Variants in NCOR1 observed in about 807,000 individuals in gnomAD.
NCOR1 encodes the protein protein phosphatase 1, regulatory subunit 109.
NCOR1 carries 63 observed loss-of-function variants against 288.1 expected under a neutral mutation model. The observed-to-expected ratio is 0.22, with a 90% CI of 0.18 to 0.27. The LOEUF is 0.27. Among genes scored for constraint, NCOR1 ranks in the 10% least tolerant of loss-of-function variants. The pLI is 1.00. For synonymous variants in NCOR1, 1,007 were observed against 1,065.9 expected (o/e 0.94, Z 1.08); for missense variants, 2,397 against 3,019.2 (o/e 0.79, Z 4.83).
At chr17:16,137,888 A>G (rs151162515) in intron 13 of NCOR1, 252 of 361,048 alleles carry the variant, frequency 7.0e-4, no homozygotes, top group African/African-American at 4.6e-3. Flanking sequence ...TGATATTTTA[A>G]TTAGAAATTT....
chr17:16,171,154 A>G (rs1455404611), intron 4 of NCOR1, among the ~76,000 whole-genome samples: 1 of 152,204 alleles, frequency 6.6e-6, no homozygotes, highest in Non-Finnish European at 1.5e-5. Flanking sequence ...TTCCCAATGT[A>G]TACATACATC....
intron 3 of NCOR1, among the ~76,000 whole-genome samples, chr17:16,181,692 A>G (rs921883449): frequency 3.3e-5 from 5 of 152,192 alleles, no homozygotes; most frequent in Non-Finnish European, 7.4e-5. Context: ...AACCTCAAAT[A>G]TACATAATAA....
At position 16,127,574 on chromosome 17, in the gene NCOR1, T is replaced by C. The variant is rs146058121; in HGVS notation, c.1510-1368A>G. 4.1e-3 allele frequency among the ~76,000 whole-genome samples: 562 copies of C among 137,970 alleles called. 12 individuals are homozygous for C. Among genetic ancestry groups the C allele is most frequent in the East Asian group, 0.023 (105 of 4,652 alleles). 90.5% of individuals were successfully genotyped at this position (137,970 alleles called of 152,430 possible). A position where few individuals can be genotyped will look rare whatever the true frequency, so the allele number is the denominator to read the frequency against. ...ACACATGTGTATATATGTATGTATA[T>C]ATACATATGTGTATATATGTATGTA... On this transcript the variant is annotated intron_variant, in intron 14 of 45. Transcript: ENST00000268712.
At chr17:16,094,064 AT>A (rs899845651) in intron 21 of NCOR1, among the ~76,000 whole-genome samples, 1 of 150,576 alleles carries the variant, frequency 6.6e-6, no homozygotes, top group Non-Finnish European at 1.5e-5. Flanking sequence ...TGCGGAGCTA[AT>A]TTTTTTTTGT....
chr17:16,185,986 G>A (rs893650497), intron 3 of NCOR1, among the ~76,000 whole-genome samples: 4 of 151,924 alleles, frequency 2.6e-5, no homozygotes, highest in Non-Finnish European at 5.9e-5. Flanking sequence ...TGAGAATGAA[G>A]TAAAAGAAAG....
intron 18 of NCOR1, among the ~76,000 whole-genome samples, chr17:16,110,956 A>G (rs1230990143): frequency 6.6e-6 from 1 of 152,232 alleles, no homozygotes; most frequent in African/African-American, 2.4e-5. Flanking sequence ...TTCAAGGATA[A>G]TAACTACTTT....
intron 21 of NCOR1, among the ~76,000 whole-genome samples, chr17:16,095,712 G>GC (rs1447969953): frequency 7.7e-6 from 1 of 130,088 alleles, no homozygotes; most frequent in Admixed American, 7.6e-5. Context: ...GGGGGAGTCA[G>GC]CCCCCCGCCC....
At chr17:16,134,769 G>A (rs1428597184) in intron 14 of NCOR1, among the ~76,000 whole-genome samples, 2 of 152,140 alleles carry the variant, frequency 1.3e-5, no homozygotes, top group Non-Finnish European at 2.9e-5. Context: ...TATCTCTTAC[G>A]TTAATGTAGG....
intron 1 of NCOR1, among the ~76,000 whole-genome samples, chr17:16,208,941 T>C (rs1479474009): frequency 6.6e-6 from 1 of 152,218 alleles, no homozygotes; most frequent in African/African-American, 2.4e-5. Flanking sequence ...CCAAAAACTA[T>C]TCAGCATCAA....
chr17:16,157,478 T>G (rs546314697), intron 6 of NCOR1, among the ~76,000 whole-genome samples: 1 of 152,332 alleles, frequency 6.6e-6, no homozygotes, highest in African/African-American at 2.4e-5. Flanking sequence ...ATTTATTTAT[T>G]CAACTTTTAA....
chr17:16,214,966 C>T (rs999038469), intron 1 of NCOR1, among the ~76,000 whole-genome samples: 1 of 152,254 alleles, frequency 6.6e-6, no homozygotes, highest in Admixed American at 6.5e-5. Context: ...CCAAGTCGGC[C>T]ACCAACTCCG....
chr17:16,183,818 C>T (rs1055037857), intron 3 of NCOR1, among the ~76,000 whole-genome samples: 1 of 152,160 alleles, frequency 6.6e-6, no homozygotes, highest in African/African-American at 2.4e-5. Flanking sequence ...AGACATCACA[C>T]TTCCTGATTT....
At chr17:16,086,130 C>G in intron 23 of NCOR1, 152 bp downstream of exon 23, 1 of 893,824 alleles carries the variant, frequency 1.1e-6, no homozygotes, top group South Asian at 1.7e-5. Flanking sequence ...AGTACAGTGA[C>G]TGCTGCATCT....
chr17:16,186,717 T>C (rs149781140), intron 2 of NCOR1, 30 bp from the exon 3 acceptor site: 176 of 1,602,016 alleles, frequency 1.1e-4, no homozygotes, highest in Middle Eastern at 1.7e-4. Flanking sequence ...AAATCAATTA[T>C]TAACCAAAAA....
At chr17:16,042,348 TAA>T (rs1219482662) in intron 42 of NCOR1, among the ~76,000 whole-genome samples, 1 of 152,244 alleles carries the variant, frequency 6.6e-6, no homozygotes, top group African/African-American at 2.4e-5. Context: ...ACTGAATTGT[TAA>T]GATTACCTTA....
At position 16,214,945 on chromosome 17, in the gene NCOR1, C is replaced by T. The variant is rs570127093; in HGVS notation, c.-71+417G>A. Among the ~76,000 whole-genome samples, 49 of 152,360 alleles carry T rather than the reference C, an allele frequency of 3.2e-4. 1 individual carries two copies. The South Asian group carries it at 9.9e-3, about 31-fold the overall frequency. The stretch of plus-strand genomic sequence containing the variant: ...CCATGGCTGTCAACCTCCGCAGCCC[C>T]TTCTACACTTCCAAGTCGGCCACCA... On this transcript the variant is annotated intron_variant, in intron 1 of 45. Coordinates refer to ENST00000268712, the MANE Select transcript of NCOR1 (RefSeq NM_006311.4).
intron 17 of NCOR1, among the ~76,000 whole-genome samples, chr17:16,118,283 T>A (rs778835308): frequency 2.6e-5 from 4 of 152,174 alleles, no homozygotes; most frequent in African/African-American, 9.7e-5. Context: ...TTCCTATGTA[T>A]CTCTCACAGG....
intron 6 of NCOR1, among the ~76,000 whole-genome samples, chr17:16,155,387 A>C (rs943448020): frequency 6.6e-6 from 1 of 151,478 alleles, no homozygotes; most frequent in Middle Eastern, 3.2e-3. Context: ...ACACACACAC[A>C]CACACCCACA....
At chr17:16,038,794 C>T (rs1175414344) in intron 44 of NCOR1, among the ~76,000 whole-genome samples, 3 of 151,602 alleles carry the variant, frequency 2.0e-5, no homozygotes, top group Admixed American at 6.6e-5. Flanking sequence ...TATTTTGAGA[C>T]GGAGTCTCAC....
Sources: gnomAD v4.1 joint callset for allele counts (sites outside exome capture counted in the v4.1 genomes callset) on GRCh38, gnomAD v4.1.1 for gene constraint, MANE v1.5 for transcripts, NCBI Gene and HGNC (gene_info 2026-07-23, HGNC 2026-07-21) for gene names.